The following ALDH3B1 variants were observed in gnomAD, a reference collection of about 807,000 sequenced individuals.
ALDH3B1 encodes the protein aldehyde dehydrogenase family 3 member B1.
A neutral mutation model predicts 46.2 loss-of-function variants in ALDH3B1; 37 were observed. The ratio of observed to expected loss-of-function variants is 0.80; its 90% CI spans 0.62 to 1.05. ALDH3B1 has a LOEUF of 1.05. Ranked by LOEUF, ALDH3B1 falls within the 50% of genes least tolerant of loss-of-function variation. The probability of loss-of-function intolerance (pLI) is 0.00; values close to 1 mark genes in which losing one functional copy is unlikely to be tolerated. For synonymous variants in ALDH3B1, 283 were observed against 281.0 expected (o/e 1.01, Z -0.07); for missense variants, 603 against 665.5 (o/e 0.91, Z 1.03).
rs1857501872 is a variant in ALDH3B1 at position 68,021,724 on chromosome 11, A to G, written c.802A>G (p.Ile268Val). The G allele has an allele frequency of 6.2e-7, 1 of 1,614,014 alleles. No individual in the cohort carries two copies. Among genetic ancestry groups the G allele is most frequent in the African/African-American group, 1.3e-5 (1 of 75,012 alleles). ...GCTGCTGCCTGCCCTGCAGAGCACC[A>G]TCACCCGTTTCTATGGCGACGACCC... ...ERLLPALQST[I>V]TRFYGDDPQS... The change falls in exon 7 of 10, where the codon ATC becomes GTC. Residue 268 changes from isoleucine to valine, a missense_variant. Ile to Val is a conservative substitution (Grantham distance 29). Transcript: ENST00000342456.
chr11:68,019,392 C>G, intron 5 of ALDH3B1, 137 bp downstream of exon 5: 4 of 790,994 alleles, frequency 5.1e-6, no homozygotes, highest in Non-Finnish European at 8.2e-6. Context: ...GTAAACTTGA[C>G]CAAGTCACCG....
chr11:68,020,499 T>G (rs1590777799), intron 6 of ALDH3B1, among the ~76,000 whole-genome samples: 1 of 152,136 alleles, frequency 6.6e-6, no homozygotes, highest in Middle Eastern at 3.4e-3. Context: ...TCTCCTAAAG[T>G]GCAGGGATCA....
Position 68,026,116 on chromosome 11 carries a change from C to A in ALDH3B1, c.1216+8C>A. 6.3e-7 allele frequency: 1 copy of A among 1,586,326 alleles called. No individual in the cohort carries two copies. The highest frequency in any genetic ancestry group is 8.6e-7 in the Non-Finnish European group (1 of 1,165,028). ...TGCCTTTTGGAGGAGTGGGTAGGTG[C>A]CTGCTACCCTGCCCTTCTGTTACCA... On this transcript the variant is annotated splice_region_variant and intron_variant, in intron 9 of 9. Coordinates refer to ENST00000342456, the MANE Select transcript of ALDH3B1 (RefSeq NM_000694.4).
intron 7 of ALDH3B1, among the ~76,000 whole-genome samples, chr11:68,022,314 C>G (rs1371932838): frequency 1.3e-5 from 2 of 152,216 alleles, no homozygotes; most frequent in Non-Finnish European, 2.9e-5. Context: ...TCATGAACTC[C>G]AAGGGTTCTA....
At chr11:68,010,571 G>C (rs992715927) in intron 1 of ALDH3B1, among the ~76,000 whole-genome samples, 179 bp downstream of exon 1, 2 of 152,238 alleles carry the variant, frequency 1.3e-5, no homozygotes, top group Non-Finnish European at 2.9e-5. Context: ...GCGGAAGGAG[G>C]AGAGGCAGAT....
At chr11:68,018,695 T>A in intron 3 of ALDH3B1, 58 bp downstream of exon 3, 1 of 1,548,930 alleles carries the variant, frequency 6.5e-7, no homozygotes. Flanking sequence ...TCCCACAGGG[T>A]GGCCCCTCTG....
intron 6 of ALDH3B1, 114 bp downstream of exon 6, chr11:68,019,910 C>A: frequency 8.6e-7 from 1 of 1,159,766 alleles, no homozygotes; most frequent in Non-Finnish European, 1.3e-6. Context: ...CTCTCTCTCT[C>A]TCTGGACCAG....
rs557821457 is a variant in ALDH3B1 at position 68,021,457 on chromosome 11, G to T, written c.563-28G>T. 197 of 1,588,610 alleles carry T rather than the reference G, an allele frequency of 1.2e-4. 1 individual carries two copies. The South Asian group carries it at 2.0e-3, about 16-fold the overall frequency. ...TCCCGCCTGGTCCAGGTCACTGAAC[G>T]GCCACTCTGGTTTCCTTCCATGCCC... is the stretch of plus-strand genomic sequence containing the variant. On this transcript the variant is annotated intron_variant, in intron 6 of 9. Coordinates refer to ENST00000342456, the MANE Select transcript of ALDH3B1 (RefSeq NM_000694.4).
In ALDH3B1 at chr11:68,028,112, C is replaced by T. The variant is rs772720034; in HGVS notation, c.*173C>T. The T allele has an allele frequency of 2.2e-6, 2 of 908,246 alleles. No individual in the cohort carries two copies. Among genetic ancestry groups the T allele is most frequent in the Non-Finnish European group, 3.6e-6 (2 of 551,696 alleles). 56.3% of individuals were successfully genotyped at this position (908,246 alleles called of 1,614,324 possible). On this transcript the variant is annotated 3_prime_UTR_variant, in exon 10 of 10. Transcript: ENST00000342456. ...TGGGTCTTCCCTCTCCCTGCCTCAG[C>T]CTCCTCCCTCAGCCGCTCCCAACCA... is the stretch of plus-strand genomic sequence containing the variant.
intron 8 of ALDH3B1, chr11:68,025,437 G>A (rs1436042541): frequency 6.6e-6 from 1 of 152,174 alleles, no homozygotes; most frequent in Middle Eastern, 3.2e-3. Flanking sequence ...CTTCAAATAA[G>A]TCTACAGATT....
Position 68,028,518 on chromosome 11 carries a change from A to C in ALDH3B1, c.*579A>C, listed in dbSNP as rs1854643082. On this transcript the variant is annotated 3_prime_UTR_variant, in exon 10 of 10. Transcript: ENST00000342456. The stretch of plus-strand genomic sequence containing the variant: ...ATGGCGAAACCCCGTCTCTACTAAA[A>C]ATACAAAAATTAGCCTGGCGTGGTG... The C allele has an allele frequency of 2.7e-5, 5 of 188,218 alleles. No individual in the cohort carries two copies. The South Asian group carries it at 2.7e-4, about 10-fold the overall frequency. The allele number at this position is 188,218 out of a possible 1,614,324, so 11.7% of individuals were successfully genotyped here.
chr11:68,009,109 G>T (rs149823943), upstream of ALDH3B1, among the ~76,000 whole-genome samples: 314 of 152,312 alleles, frequency 2.1e-3, 2 homozygotes, highest in African/African-American at 6.1e-3. Context: ...TCCGAAACGG[G>T]TGCAGCCCCA....
intron 1 of ALDH3B1, among the ~76,000 whole-genome samples, chr11:68,014,655 G>A (rs1221670675): frequency 3.9e-5 from 6 of 152,082 alleles, no homozygotes; most frequent in African/African-American, 9.7e-5. Context: ...CAGGAGGCCC[G>A]AGGTGTTCTC....
intron 2 of ALDH3B1, 37 bp downstream of exon 2, chr11:68,015,496 G>A: frequency 6.4e-7 from 1 of 1,560,354 alleles, no homozygotes; most frequent in Non-Finnish European, 8.7e-7. Flanking sequence ...GGTGCACTGG[G>A]GCAGGGGGGC....
chr11:68,015,914 A>C lies in ALDH3B1; in HGVS notation c.162+455A>C, dbSNP rs145239779. 1.8e-3 allele frequency: 525 copies of C among 295,180 alleles called. 4 individuals carry two copies. The highest frequency in any genetic ancestry group is 0.01 in the African/African-American group (470 of 44,766). The allele number at this position is 295,180 out of a possible 1,614,324, so 18.3% of individuals were successfully genotyped here. Reference sequence around the variant, plus strand: ...AACCCCGTCTCTACTAACAATACAAAAATTAGCTGGATGTGGTGGTGGGCA... The same window carrying C: ...AACCCCGTCTCTACTAACAATACAACAATTAGCTGGATGTGGTGGTGGGCA... On this transcript the variant is annotated intron_variant, in intron 2 of 9. Coordinates refer to ENST00000342456, the MANE Select transcript of ALDH3B1 (RefSeq NM_000694.4).
rs1212696074 is a variant in ALDH3B1 at position 68,018,545 on chromosome 11, G to T, written c.181G>T (p.Val61Leu). The T allele has an allele frequency of 4.4e-6, 7 of 1,575,638 alleles. No individual in the cohort carries two copies. The highest frequency in any genetic ancestry group is 2.6e-6 in the Non-Finnish European group (3 of 1,160,822). Residue 61 changes from valine to leucine, a missense_variant, in exon 3 of 10, where the codon GTG becomes TTG. Val to Leu is a conservative substitution (Grantham distance 32). Coordinates refer to ENST00000342456, the MANE Select transcript of ALDH3B1 (RefSeq NM_000694.4). ...DLHKSAFESE[V>L]SEVAISQGEV... Reference sequence around the variant, plus strand: ...CCTGCAGTCAGCCTTCGAGTCGGAGGTGTCTGAGGTTGCCATCAGCCAGGG... The same window carrying T: ...CCTGCAGTCAGCCTTCGAGTCGGAGTTGTCTGAGGTTGCCATCAGCCAGGG...
intron 2 of ALDH3B1, chr11:68,016,113 A>G (rs1857346083): frequency 6.2e-6 from 1 of 160,244 alleles, no homozygotes; most frequent in South Asian, 1.7e-4. Flanking sequence ...GGGTTGAAAT[A>G]TGTGCCCTGG....
intron 9 of ALDH3B1, among the ~76,000 whole-genome samples, chr11:68,026,845 G>A (rs1482086070): frequency 6.6e-6 from 1 of 152,204 alleles, no homozygotes; most frequent in Non-Finnish European, 1.5e-5. Context: ...AGGGCAGCCA[G>A]GGGCACAACA....
rs565171894 is a variant in ALDH3B1 at position 68,018,425 on chromosome 11, T to C, written c.163-102T>C. The C allele has an allele frequency of 1.4e-5, 12 of 860,698 alleles. No homozygotes were observed. In the East Asian group the frequency reaches 2.7e-4, roughly 19 times the overall value. The allele number at this position is 860,698 out of a possible 1,614,324, so 53.3% of individuals were successfully genotyped here. A position where few individuals can be genotyped will look rare whatever the true frequency, so the allele number is the denominator to read the frequency against. ...GAGTGAGTGAACGAATGAATGAAAATGAATGAATGAGTTGTGGAAGCAGGC... is the reference window on the plus strand; with the variant it reads ...GAGTGAGTGAACGAATGAATGAAAACGAATGAATGAGTTGTGGAAGCAGGC... On this transcript the variant is annotated intron_variant, in intron 2 of 9. Transcript: ENST00000342456.
Sources: gnomAD v4.1 joint callset for allele counts (sites outside exome capture counted in the v4.1 genomes callset) on GRCh38, gnomAD v4.1.1 for gene constraint, MANE v1.5 for transcripts, NCBI Gene and HGNC (gene_info 2026-07-23, HGNC 2026-07-21) for gene names.